Variants in ARL6IP4 observed in about 807,000 individuals in gnomAD.
ARL6IP4 encodes ADP-ribosylation factor-like protein 6-interacting protein 4.
A neutral mutation model predicts 28.1 loss-of-function variants in ARL6IP4; 24 were observed. That is an observed-to-expected ratio of 0.86 (90% CI 0.62 to 1.20). The LOEUF (loss-of-function observed/expected upper bound fraction) is 1.20. Ranked by LOEUF, ARL6IP4 falls within the 50% of genes most tolerant of loss-of-function variation. The pLI, the probability that ARL6IP4 is intolerant of heterozygous loss-of-function variation, is 0.00. For missense variants in ARL6IP4, 343 were observed against 302.4 expected, an observed-to-expected ratio of 1.13 and a Z score of -1.00; for synonymous variants, 162 against 122.3, an observed-to-expected ratio of 1.32 and a Z score of -2.14.
rs372267837 is a variant in ARL6IP4 at position 122,981,240 on chromosome 12, G to A, written c.101G>A (p.Arg34Lys). The change falls in exon 2 of 6, where the codon AGG becomes AAG. Residue 34 changes from arginine to lysine, a missense_variant. By Grantham distance (26) the Arg-to-Lys change is conservative. Transcript: ENST00000315580. ...AAGAAGAGCAGGAAAGACACCTCGA[G>A]GAACTGCTCGGCCTCCACATCCCAA... ...RKKKSRKDTS[R>K]NCSASTSQGR... 2.1e-5 allele frequency: 33 copies of A among 1,549,958 alleles called. No homozygotes were observed. The African/African-American group carries it at 3.8e-4, about 18-fold the overall frequency.
At chr12:122,980,983 T>C (rs1594105062) in intron 1 of ARL6IP4, 146 bp from the exon 2 acceptor site, 1 of 1,360,868 alleles carries the variant, frequency 7.3e-7, no homozygotes, top group East Asian at 3.0e-5. Context: ...TCCCCAGCGC[T>C]GGGGGTGGGT....
At chr12:122,982,363 C>CG in intron 4 of ARL6IP4, 106 bp from the exon 5 acceptor site, 1 of 1,135,236 alleles carries the variant, frequency 8.8e-7, no homozygotes, top group Non-Finnish European at 1.3e-6. Context: ...CTCAAGGCTG[C>CG]GGGGTGGGAG....
intron 2 of ARL6IP4, 71 bp downstream of exon 2, chr12:122,981,370 G>A (rs2135976294): frequency 6.7e-7 from 1 of 1,489,558 alleles, no homozygotes; most frequent in East Asian, 2.5e-5. Flanking sequence ...CAGTGGTCGG[G>A]GACGCTCAGT....
At position 122,982,670 on chromosome 12, in the gene ARL6IP4, TC is replaced by T; in HGVS notation, c.711del (p.Ter238GlufsTer?). On this transcript the variant is annotated frameshift_variant, in exon 6 of 6. Transcript: ENST00000315580. LOFTEE classifies it high-confidence loss of function. ...CCTTCCAGATGCGAGCTGGGTTGCT[TC>T]CCTGAGGGCCCCCGCTGGCCAAGGC... Reference protein sequence around the residue: ...LAFQMRAGLLP With the variant: ...LAFQMRAGLLX 6.2e-7 allele frequency: 1 copy of T among 1,613,678 alleles called. No individual in the cohort carries two copies. The highest frequency in any genetic ancestry group is 8.5e-7 in the Non-Finnish European group (1 of 1,180,010).
In ARL6IP4 at chr12:122,982,552, C is replaced by G; in HGVS notation, c.657+14C>G. ...GAGATCAACAAGGTGGGTGTGGCCC[C>G]TCTGCCTGCCATCCGCCCCCAGCTC... On this transcript the variant is annotated intron_variant, in intron 5 of 5. Transcript: ENST00000315580. 6.2e-7 allele frequency: 1 copy of G among 1,614,178 alleles called. No individual in the cohort carries two copies. The highest frequency in any genetic ancestry group is 2.2e-5 in the East Asian group (1 of 44,888).
At position 122,981,258 on chromosome 12, in the gene ARL6IP4, C is replaced by T. The variant is rs776854246; in HGVS notation, c.119C>T (p.Thr40Ile). ...KDTSRNCSAS[T>I]SQGRKASTAP... ...ACCTCGAGGAACTGCTCGGCCTCCA[C>T]ATCCCAAGGTCGCAAGGCCAGCACG... Residue 40 changes from threonine to isoleucine, a missense_variant, in exon 2 of 6, where the codon ACA (threonine) becomes ATA (isoleucine). Physicochemically the swap from Thr to Ile is moderately conservative, Grantham distance 89. Transcript: ENST00000315580. 2 of 1,549,998 alleles carry T rather than the reference C, an allele frequency of 1.3e-6. No homozygotes were observed. The highest frequency in any genetic ancestry group is 8.7e-7 in the Non-Finnish European group (1 of 1,146,636).
Position 122,982,715 on chromosome 12 carries a change from G to A in ARL6IP4, c.*39G>A. ...CCAAGGCCTGTGGACGACGCTGGCG[G>A]CCCAGCCTGGGCAGGTTTCAGGGTG... On this transcript the variant is annotated 3_prime_UTR_variant, in exon 6 of 6. Transcript: ENST00000315580. 6.3e-7 allele frequency: 1 copy of A among 1,598,584 alleles called. No homozygotes were observed. The highest frequency in any genetic ancestry group is 8.6e-7 in the Non-Finnish European group (1 of 1,169,302).
rs2136003072 is a variant in ARL6IP4 at position 122,982,821 on chromosome 12, A to AG, written c.*150dup. On this transcript the variant is annotated 3_prime_UTR_variant, in exon 6 of 6. Coordinates refer to ENST00000315580, the MANE Select transcript of ARL6IP4 (RefSeq NM_018694.4). ...CCCAGCCCAGTCTCTTCTCAGGGGC[A>AG]GGGGGTGGAGGTTGGGGTCACCGGC... 2 of 855,800 alleles carry AG rather than the reference A, an allele frequency of 2.3e-6. No homozygotes were observed. The highest frequency in any genetic ancestry group is 5.3e-5 in the East Asian group (2 of 37,616). The allele number at this position is 855,800 out of a possible 1,614,324, so 53.0% of individuals were successfully genotyped here. A position where few individuals can be genotyped will look rare whatever the true frequency, so the allele number is the denominator to read the frequency against.
At position 122,981,248 on chromosome 12, in the gene ARL6IP4, T is replaced by G. The variant is rs1349159195; in HGVS notation, c.109T>G (p.Ser37Ala). The G allele has an allele frequency of 3.2e-6, 5 of 1,549,628 alleles. No individual in the cohort carries two copies. Among genetic ancestry groups the G allele is most frequent in the East Asian group, 4.9e-5 (2 of 40,708 alleles). The change falls in exon 2 of 6, where the codon TCG becomes GCG. Residue 37 changes from serine (S) to alanine (A), a missense_variant. Ser to Ala is a moderately conservative substitution (Grantham distance 99). Transcript: ENST00000315580. The part of the protein sequence containing the change: ...KSRKDTSRNC[S>A]ASTSQGRKAS... ...CAGGAAAGACACCTCGAGGAACTGC[T>G]CGGCCTCCACATCCCAAGGTCGCAA...
Position 122,981,078 on chromosome 12 carries a change from C to T in ARL6IP4, c.-11-51C>T, listed in dbSNP as rs2037624206. The T allele has an allele frequency of 2.6e-6, 4 of 1,510,474 alleles. No homozygotes were observed. The South Asian group carries it at 3.7e-5, about 14-fold the overall frequency. 93.6% of individuals were successfully genotyped at this position (1,510,474 alleles called of 1,614,324 possible). A position where few individuals can be genotyped will look rare whatever the true frequency, so the allele number is the denominator to read the frequency against. ...CGCTAGAGCCACCCTTGGAGCCCGC[C>T]CGCGGCCGGCCTTGGGGGCTTCGGC... On this transcript the variant is annotated intron_variant, in intron 1 of 5. Transcript: ENST00000315580.
chr12:122,982,457 T>A lies in ARL6IP4; in HGVS notation c.588-12T>A. 6.2e-7 allele frequency: 1 copy of A among 1,609,646 alleles called. No homozygotes were observed. Among genetic ancestry groups the A allele is most frequent in the Non-Finnish European group, 8.5e-7 (1 of 1,177,682 alleles). ...CCTATTCCTTGCTGAACGGAGACCC[T>A]CCCACCCCCAGGCTTATTAAGGGAG... On this transcript the variant is annotated splice_polypyrimidine_tract_variant and intron_variant, in intron 4 of 5. Coordinates refer to ENST00000315580, the MANE Select transcript of ARL6IP4 (RefSeq NM_018694.4).
At position 122,981,668 on chromosome 12, in the gene ARL6IP4, C is replaced by G; in HGVS notation, c.258C>G (p.Ser86=). 6.4e-7 allele frequency: 1 copy of G among 1,555,054 alleles called. No homozygotes were observed. Among genetic ancestry groups the G allele is most frequent in the Non-Finnish European group, 8.7e-7 (1 of 1,149,300 alleles). Reference sequence around the variant, plus strand: ...CCTCTTCTTCCAGTTCTTCTAGCTCCTCTTCTTCCTCCTCGTCCTCCTCCT... The same window carrying G: ...CCTCTTCTTCCAGTTCTTCTAGCTCGTCTTCTTCCTCCTCGTCCTCCTCCT... The part of the protein sequence containing the change: ...SSSSSSSSSS[S]SSSSSSSSSS... The change falls in exon 3 of 6, where the codon TCC becomes TCG. Residue 86 remains serine, a synonymous_variant. Transcript: ENST00000315580.
intron 1 of ARL6IP4, 85 bp from the exon 2 acceptor site, chr12:122,981,043 GC>G: frequency 1.4e-6 from 2 of 1,441,308 alleles, no homozygotes; most frequent in Admixed American, 2.9e-5. Flanking sequence ...GCGTCGCCAG[GC>G]CCCGGCCCCG....
chr12:122,980,245 T>C (rs1447957457), upstream of ARL6IP4: 2 of 1,235,420 alleles, frequency 1.6e-6, no homozygotes, highest in Admixed American at 8.4e-5. Flanking sequence ...AATCCTGGCT[T>C]CCTTCCGGAT....
rs749532491 is a variant in ARL6IP4 at position 122,982,646 on chromosome 12, C to T, written c.684C>T (p.Ala228=). ...AAGCCACCCGAGGGGACTGCCTGGC[C>T]TTCCAGATGCGAGCTGGGTTGCTTC... The part of the protein sequence containing the change: ...NKQATRGDCL[A]FQMRAGLLP Residue 228 remains alanine, a synonymous_variant, in exon 6 of 6, where the codon GCC becomes GCT. Coordinates refer to ENST00000315580, the MANE Select transcript of ARL6IP4 (RefSeq NM_018694.4). 4 of 1,614,092 alleles carry T rather than the reference C, an allele frequency of 2.5e-6. No individual in the cohort carries two copies. Among genetic ancestry groups the T allele is most frequent in the East Asian group, 2.2e-5 (1 of 44,882 alleles).
At position 122,982,185 on chromosome 12, in the gene ARL6IP4, C is replaced by G; in HGVS notation, c.587+111C>G. 2.5e-6 allele frequency: 3 copies of G among 1,196,650 alleles called. No individual in the cohort carries two copies. In the South Asian group the frequency reaches 3.7e-5, roughly 15 times the overall value. 74.1% of individuals were successfully genotyped at this position (1,196,650 alleles called of 1,614,324 possible). A position where few individuals can be genotyped will look rare whatever the true frequency, so the allele number is the denominator to read the frequency against. On this transcript the variant is annotated intron_variant, in intron 4 of 5. Transcript: ENST00000315580. Reference sequence around the variant, plus strand: ...GGGGTTCCTGGTGCCTGAAAAAGGCCAAATGTGGGCAAAAATACGGTCACT... The same window carrying G: ...GGGGTTCCTGGTGCCTGAAAAAGGCGAAATGTGGGCAAAAATACGGTCACT...
Position 122,982,886 on chromosome 12 carries a change from C to G in ARL6IP4, c.*210C>G, listed in dbSNP as rs1435336040. On this transcript the variant is annotated 3_prime_UTR_variant, in exon 6 of 6. Transcript: ENST00000315580. ...CATCTGAAAGAGCAGCACTTCTCAG[C>G]TATTAAAGGCCCCCTGGATAGACTT... The G allele has an allele frequency of 3.3e-6, 2 of 606,336 alleles. No homozygotes were observed. The highest frequency in any genetic ancestry group is 5.9e-6 in the Non-Finnish European group (2 of 341,874). The allele number at this position is 606,336 out of a possible 1,614,324, so 37.6% of individuals were successfully genotyped here.
Position 122,981,518 on chromosome 12 carries a change from C to T in ARL6IP4, c.161-53C>T. 2.7e-6 allele frequency: 4 copies of T among 1,475,070 alleles called. No homozygotes were observed. The South Asian group carries it at 4.0e-5, about 15-fold the overall frequency. 91.4% of individuals were successfully genotyped at this position (1,475,070 alleles called of 1,614,324 possible). A position where few individuals can be genotyped will look rare whatever the true frequency, so the allele number is the denominator to read the frequency against. On this transcript the variant is annotated intron_variant, in intron 2 of 5. Transcript: ENST00000315580. ...CACCCTGTAGCCGGTCTGTGCCTGCCCCAGGCCAGAGCAGGGGACGAAGGT... is the reference window on the plus strand; with the variant it reads ...CACCCTGTAGCCGGTCTGTGCCTGCTCCAGGCCAGAGCAGGGGACGAAGGT...
At chr12:122,980,941 G>T in intron 1 of ARL6IP4, 188 bp from the exon 2 acceptor site, 2 of 1,386,188 alleles carry the variant, frequency 1.4e-6, no homozygotes, top group Non-Finnish European at 9.3e-7. Flanking sequence ...AGGCACCGCT[G>T]CGGGGACTGG....
Sources: gnomAD v4.1 joint callset for allele counts on GRCh38, gnomAD v4.1.1 for gene constraint, MANE v1.5 for transcripts, NCBI Gene and HGNC (gene_info 2026-07-23, HGNC 2026-07-21) for gene names.